The following EDARADD variants were observed in gnomAD, a reference collection of about 807,000 sequenced individuals.
EDARADD encodes ectodysplasin-A receptor-associated adapter protein.
Under a neutral mutation model 25.6 loss-of-function variants are expected in EDARADD, and 20 were observed. That is an observed-to-expected ratio of 0.78 (90% CI 0.55 to 1.14). The LOEUF (loss-of-function observed/expected upper bound fraction) is 1.14. Among genes scored for constraint, EDARADD ranks in the 50% most tolerant of loss-of-function variants. The probability of loss-of-function intolerance (pLI) is 0.00; values close to 1 mark genes in which losing one functional copy is unlikely to be tolerated. For synonymous variants in EDARADD, 86 were observed against 94.4 expected, an observed-to-expected ratio of 0.91 and a Z score of 0.52; for missense variants, 225 against 270.1, an observed-to-expected ratio of 0.83 and a Z score of 1.17.
chr1:236,370,795 G>C (rs913745869), intron 3 of EDARADD, among the ~76,000 whole-genome samples: 2 of 152,204 alleles, frequency 1.3e-5, no homozygotes, highest in Non-Finnish European at 2.9e-5. Flanking sequence ...GTAGCCTCCA[G>C]CTGCATGACT....
Position 236,483,437 on chromosome 1 carries a change from C to T in EDARADD, c.*788C>T. 1.8e-6 allele frequency: 2 copies of T among 1,100,998 alleles called. No homozygotes were observed. Among genetic ancestry groups the T allele is most frequent in the South Asian group, 2.5e-5 (2 of 80,846 alleles). The allele number at this position is 1,100,998 out of a possible 1,614,324, so 68.2% of individuals were successfully genotyped here. On this transcript the variant is annotated 3_prime_UTR_variant, in exon 6 of 6. Coordinates refer to ENST00000334232, the MANE Select transcript of EDARADD (RefSeq NM_145861.4). ...ACGTCACAGAACAAGAGAAGATTGA[C>T]AAACTTATGATAGAGATGGATGGAA...
intron 4 of EDARADD, among the ~76,000 whole-genome samples, chr1:236,445,110 T>C (rs1264229113): frequency 6.6e-6 from 1 of 152,134 alleles, no homozygotes; most frequent in African/African-American, 2.4e-5. Flanking sequence ...ACTTTTTTGA[T>C]GACTGTTTCA....
intron 4 of EDARADD, among the ~76,000 whole-genome samples, chr1:236,444,952 C>T (rs1267839713): frequency 2.0e-5 from 3 of 151,558 alleles, no homozygotes; most frequent in Admixed American, 2.0e-4. Flanking sequence ...AGATTTCAAC[C>T]CAAGTATTTC....
At chr1:236,405,350 C>A (rs1667688819) in intron 1 of EDARADD, among the ~76,000 whole-genome samples, 1 of 152,232 alleles carries the variant, frequency 6.6e-6, no homozygotes, top group African/African-American at 2.4e-5. Flanking sequence ...CCCTCCAACA[C>A]AAGCCCTGGG....
chr1:236,439,096 A>T (rs951468361), intron 4 of EDARADD, among the ~76,000 whole-genome samples: 3 of 152,358 alleles, frequency 2.0e-5, no homozygotes, highest in African/African-American at 7.2e-5. Flanking sequence ...AGTTGGAATC[A>T]TATGCTATGT....
chr1:236,453,979 C>T (rs571189429), intron 4 of EDARADD, among the ~76,000 whole-genome samples: 6 of 151,704 alleles, frequency 4.0e-5, no homozygotes, highest in South Asian at 2.1e-4. Context: ...CTAGTTTTAT[C>T]TTGTTTCCTC....
intron 3 of EDARADD, among the ~76,000 whole-genome samples, chr1:236,421,977 T>C (rs113999596): frequency 0.014 from 2,086 of 152,194 alleles, 46 homozygotes; most frequent in African/African-American, 0.048. Flanking sequence ...GAGGGCCACA[T>C]GGTGAGATGG....
Position 236,482,737 on chromosome 1 carries a change from T to C in EDARADD, c.*88T>C, listed in dbSNP as rs1659714138. ...TGTGAATCTGTTGTTTTATAAGAGT[T>C]TAGGACAAGGACGTGGAACAGTGGA... On this transcript the variant is annotated 3_prime_UTR_variant, in exon 6 of 6. Coordinates refer to ENST00000334232, the MANE Select transcript of EDARADD (RefSeq NM_145861.4). 6.3e-7 allele frequency: 1 copy of C among 1,589,966 alleles called. No homozygotes were observed. Among genetic ancestry groups the C allele is most frequent in the South Asian group, 1.1e-5 (1 of 90,162 alleles).
chr1:236,378,720 C>T (rs1667255987), intron 3 of EDARADD, among the ~76,000 whole-genome samples: 1 of 152,166 alleles, frequency 6.6e-6, no homozygotes, highest in Admixed American at 6.5e-5. Flanking sequence ...ATTAATGCAG[C>T]ATGATTCAAC....
chr1:236,440,918 A>T (rs1321348096), intron 4 of EDARADD, among the ~76,000 whole-genome samples: 1 of 152,018 alleles, frequency 6.6e-6, no homozygotes, highest in Admixed American at 6.6e-5. Flanking sequence ...CCAGTTGATA[A>T]CCCTACAATG....
intron 3 of EDARADD, among the ~76,000 whole-genome samples, chr1:236,422,330 G>T (rs540021773): frequency 6.6e-6 from 1 of 152,194 alleles, no homozygotes; most frequent in Non-Finnish European, 1.5e-5. Flanking sequence ...TTCTGCTGAA[G>T]CCTTGTATGG....
chr1:236,378,899 A>G lies in EDARADD; in HGVS notation c.-6+28060A>G, dbSNP rs557906637. Among the ~76,000 whole-genome samples, 171 of 152,166 alleles carry G rather than the reference A, an allele frequency of 1.1e-3. 1 individual carries two copies. The highest frequency in any genetic ancestry group is 6.8e-3 in the Middle Eastern group (2 of 294). On this transcript the variant is annotated intron_variant, in intron 3 of 7. Coordinates refer to the EDARADD transcript ENST00000439430. ...ATTTAGATCCATAATCCTCAATCCC[A>G]AACTCTATTTTTTAAAAAAGACTAC...
At chr1:236,375,809 T>C (rs191884133) in intron 3 of EDARADD, among the ~76,000 whole-genome samples, 12 of 151,708 alleles carry the variant, frequency 7.9e-5, no homozygotes, top group Admixed American at 2.6e-4. Context: ...ATTTTTTGAG[T>C]CCAGGAGGTC....
chr1:236,425,343 C>T (rs1365312472), intron 3 of EDARADD, among the ~76,000 whole-genome samples: 2 of 152,192 alleles, frequency 1.3e-5, no homozygotes, highest in South Asian at 2.1e-4. Flanking sequence ...CAGGAGAACA[C>T]ATGGGCAGCA....
intron 1 of EDARADD, among the ~76,000 whole-genome samples, chr1:236,400,691 GCCACAGGCTTGTA>G (rs1337813404): frequency 6.7e-6 from 1 of 149,814 alleles, no homozygotes; most frequent in Non-Finnish European, 1.5e-5. Flanking sequence ...AGTAGCTGGG[GCCACAGGCTTGTA>G]CCACCACACC....
rs1659764998 is a variant in EDARADD at position 236,484,205 on chromosome 1, T to G, written c.*1556T>G. On this transcript the variant is annotated 3_prime_UTR_variant, in exon 6 of 6. Coordinates refer to ENST00000334232, the MANE Select transcript of EDARADD (RefSeq NM_145861.4). This position sits in a 1 kb window ranked among gnomAD's most constrained non-coding sequence, Gnocchi z 4.1. ...GCCTCCTGCTCAAAGTGAACCAGAT[T>G]CGCTCTGTGACTGAGTCCCTTCAGG... 2.8e-6 allele frequency: 3 copies of G among 1,064,608 alleles called. No individual in the cohort carries two copies. The highest frequency in any genetic ancestry group is 1.7e-5 in the Admixed American group (1 of 59,104). 65.9% of individuals were successfully genotyped at this position (1,064,608 alleles called of 1,614,324 possible). A position where few individuals can be genotyped will look rare whatever the true frequency, so the allele number is the denominator to read the frequency against.
intron 3 of EDARADD, among the ~76,000 whole-genome samples, chr1:236,375,693 C>T (rs1198747030): frequency 1.3e-5 from 2 of 150,022 alleles, no homozygotes; most frequent in Admixed American, 6.7e-5. Flanking sequence ...AAATAACCAG[C>T]CTGGGCAACA....
chr1:236,431,516 T>C (rs2103018136), intron 4 of EDARADD, among the ~76,000 whole-genome samples: 1 of 152,358 alleles, frequency 6.6e-6, no homozygotes, highest in South Asian at 2.1e-4. Flanking sequence ...ACTAGAACTA[T>C]TCAACTTCTA....
chr1:236,368,584 G>A (rs1295218537), intron 3 of EDARADD, among the ~76,000 whole-genome samples: 1 of 151,936 alleles, frequency 6.6e-6, no homozygotes, highest in Non-Finnish European at 1.5e-5. Flanking sequence ...GGGATTACAG[G>A]CAGGCGCCAC....
Sources: allele counts gnomAD v4.1 joint callset (sites outside exome capture counted in the v4.1 genomes callset), GRCh38; gene constraint gnomAD v4.1.1; non-coding constraint Gnocchi (gnomAD v3.1); transcripts MANE v1.5; gene names NCBI Gene and HGNC (gene_info 2026-07-23, HGNC 2026-07-21).